The following OR2A4 variants were observed in gnomAD, a reference collection of about 807,000 sequenced individuals.
The protein encoded by OR2A4 is olfactory receptor family 2 subfamily A member 4.
For missense variants in OR2A4, 152 were observed against 313.2 expected (o/e 0.49, Z 3.88); for synonymous variants, 71 against 126.7 (o/e 0.56, Z 2.95).
In OR2A4 at chr6:131,700,693, A is replaced by G. The variant is rs1171292788; in HGVS notation, c.709T>C (p.Phe237Leu). ...CAGAGGTGGGAGAAGCAGGTGCGGAAGGCTTTCCTCTGAACTTCCCTTGAT... is the reference window on the plus strand; with the variant it reads ...CAGAGGTGGGAGAAGCAGGTGCGGAGGGCTTTCCTCTGAACTTCCCTTGAT... ...IQSREVQRKA[F>L]RTCFSHLCVI... Residue 237 changes from phenylalanine (F) to leucine (L), a missense_variant, in exon 1 of 1, where the codon TTC becomes CTC. By Grantham distance (22) the Phe-to-Leu change is conservative. Transcript: ENST00000315453. 1 of 1,559,378 alleles carries G rather than the reference A, an allele frequency of 6.4e-7. No homozygotes were observed. The highest frequency in any genetic ancestry group is 8.6e-7 in the Non-Finnish European group (1 of 1,166,138).
Position 131,700,600 on chromosome 6 carries a change from C to T in OR2A4, c.802G>A (p.Glu268Lys). 6.5e-7 allele frequency: 1 copy of T among 1,549,276 alleles called. No individual in the cohort carries two copies. The highest frequency in any genetic ancestry group is 8.6e-7 in the Non-Finnish European group (1 of 1,162,792). ...YVGPRYGNPKEQKKYLLLFHS... is the reference protein window; with the variant it reads ...YVGPRYGNPKKQKKYLLLFHS... ...AACAGCAGGAGATATTTCTTCTGCT[C>T]CTTGGGGTTCCCATATCTGGGTCCA... The change falls in exon 1 of 1, where the codon GAG (glutamate) becomes AAG (lysine). Residue 268 changes from glutamate (E) to lysine (K), a missense_variant. By Grantham distance (56) the Glu-to-Lys change is moderately conservative. Coordinates refer to ENST00000315453, the MANE Select transcript of OR2A4 (RefSeq NM_030908.2).
Position 131,701,314 on chromosome 6 carries a change from A to G in OR2A4, c.88T>C (p.Phe30Leu). ...PRIQMLLFGLFSLFYVFTLLG... is the reference protein window; with the variant it reads ...PRIQMLLFGLLSLFYVFTLLG... ...AGGGTGAAGACGTAGAACAGGGAGA[A>G]GAGCCCAAAGAGGAGCATCTGAATC... The change falls in exon 1 of 1, where the codon TTC (phenylalanine) becomes CTC (leucine). Residue 30 changes from phenylalanine to leucine, a missense_variant. By Grantham distance (22) the Phe-to-Leu change is conservative. Transcript: ENST00000315453. 6.2e-7 allele frequency: 1 copy of G among 1,609,058 alleles called. No homozygotes were observed. The highest frequency in any genetic ancestry group is 8.5e-7 in the Non-Finnish European group (1 of 1,177,072).
Position 131,700,213 on chromosome 6 carries a change from A to T in OR2A4, c.*256T>A. 1.6e-5 allele frequency: 2 copies of T among 126,836 alleles called. No homozygotes were observed. The highest frequency in any genetic ancestry group is 1.3e-5 in the Non-Finnish European group (1 of 78,742). The allele number at this position is 126,836 out of a possible 1,614,324, so 7.9% of individuals were successfully genotyped here. ...GGGACTGGATCAAAAGCTAATGAGG[A>T]TATTGTAAGGGGTATTGTCCTGGTG... On this transcript the variant is annotated 3_prime_UTR_variant, in exon 1 of 1. Transcript: ENST00000315453.
rs1779527372 is a variant in OR2A4 at position 131,701,397 on chromosome 6, C to T, written c.5G>A (p.Gly2Glu). ...CTCTCTGATGGATGTTATATTGTCT[C>T]CCATATCCCTATGACAGAGGAAATC... is the stretch of plus-strand genomic sequence containing the variant. MGDNITSIREFL... is the reference protein window; with the variant it reads MEDNITSIREFL... The change falls in exon 1 of 1, where the codon GGA becomes GAA. Residue 2 changes from glycine to glutamate, a missense_variant. By Grantham distance (98) the Gly-to-Glu change is moderately conservative. Coordinates refer to ENST00000315453, the MANE Select transcript of OR2A4 (RefSeq NM_030908.2). 2 of 1,613,800 alleles carry T rather than the reference C, an allele frequency of 1.2e-6. No homozygotes were observed. The highest frequency in any genetic ancestry group is 1.3e-5 in the African/African-American group (1 of 74,998).
In OR2A4 at chr6:131,701,387, T is replaced by A. The variant is rs770222304; in HGVS notation, c.15A>T (p.Ile5=). Residue 5 remains isoleucine, a synonymous_variant, in exon 1 of 1, where the codon ATA becomes ATT. Transcript: ENST00000315453. MGDN[I]TSIREFLLLG... ...GTAGGAGGAACTCTCTGATGGATGT[T>A]ATATTGTCTCCCATATCCCTATGAC... is the stretch of plus-strand genomic sequence containing the variant. 26 of 1,613,880 alleles carry A rather than the reference T, an allele frequency of 1.6e-5. No homozygotes were observed. The African/African-American group carries it at 2.7e-4, about 17-fold the overall frequency.
Position 131,700,933 on chromosome 6 carries a change from T to G in OR2A4, c.469A>C (p.Ile157Leu). 3 of 713,346 alleles carry G rather than the reference T, an allele frequency of 4.2e-6. No homozygotes were observed. The highest frequency in any genetic ancestry group is 6.5e-6 in the Non-Finnish European group (3 of 464,618). 44.2% of individuals were successfully genotyped at this position (713,346 alleles called of 1,614,324 possible). The change falls in exon 1 of 1, where the codon ATT becomes CTT. Residue 157 changes from isoleucine (I) to leucine (L), a missense_variant. Ile to Leu is a conservative substitution (Grantham distance 5, BLOSUM62 2). Coordinates refer to ENST00000315453, the MANE Select transcript of OR2A4 (RefSeq NM_030908.2). ...SWTTGVLLSLIHLVLLLPLPF... is the reference protein window; with the variant it reads ...SWTTGVLLSLLHLVLLLPLPF... ...AAAGGTAGAAGTAACACAAGATGAA[T>G]CAAGGATAAAAGGACTCCAGTGGTC...
At position 131,700,632 on chromosome 6, in the gene OR2A4, A is replaced by C. The variant is rs751888762; in HGVS notation, c.770T>G (p.Met257Arg). The C allele has an allele frequency of 6.4e-7, 1 of 1,556,818 alleles. No homozygotes were observed. Among genetic ancestry groups the C allele is most frequent in the Admixed American group, 1.9e-5 (1 of 53,672 alleles). ...IGLVYGTAIIMYVGPRYGNPK... is the reference protein window; with the variant it reads ...IGLVYGTAIIRYVGPRYGNPK... Reference sequence around the variant, plus strand: ...GTTCCCATATCTGGGTCCAACATACATGATAATGGCTGTGCCATAAACGAG... The same window carrying C: ...GTTCCCATATCTGGGTCCAACATACCTGATAATGGCTGTGCCATAAACGAG... Residue 257 changes from methionine (M) to arginine (R), a missense_variant, in exon 1 of 1, where the codon ATG (methionine) becomes AGG (arginine). By Grantham distance (91) the Met-to-Arg change is moderately conservative. Transcript: ENST00000315453.
At position 131,701,031 on chromosome 6, in the gene OR2A4, G is replaced by T; in HGVS notation, c.371C>A (p.Ala124Asp). 5.6e-6 allele frequency: 3 copies of T among 538,696 alleles called. No individual in the cohort carries two copies. Among genetic ancestry groups the T allele is most frequent in the Non-Finnish European group, 9.2e-6 (3 of 327,060 alleles). 33.4% of individuals were successfully genotyped at this position (538,696 alleles called of 1,614,324 possible). ...LVVMSYDLYV[A>D]ICHPLRYLAI... ...CAAATATCGGAGGGGGTGGCAGATG[G>T]CCACGTACAGATCATAGGACATCAC... The change falls in exon 1 of 1, where the codon GCC becomes GAC. Residue 124 changes from alanine (A) to aspartate (D), a missense_variant. By Grantham distance (126) the Ala-to-Asp change is moderately radical (BLOSUM62 -2). Coordinates refer to ENST00000315453, the MANE Select transcript of OR2A4 (RefSeq NM_030908.2).
At position 131,701,268 on chromosome 6, in the gene OR2A4, A is replaced by G. The variant is rs781653671; in HGVS notation, c.134T>C (p.Leu45Pro). 6 of 1,486,738 alleles carry G rather than the reference A, an allele frequency of 4.0e-6. No individual in the cohort carries two copies. In the African/African-American group the frequency reaches 9.6e-5, roughly 24 times the overall value. 92.1% of individuals were successfully genotyped at this position (1,486,738 alleles called of 1,614,324 possible). A position where few individuals can be genotyped will look rare whatever the true frequency, so the allele number is the denominator to read the frequency against. The change falls in exon 1 of 1, where the codon CTG (leucine) becomes CCG (proline). Residue 45 changes from leucine to proline, a missense_variant. Physicochemically the swap from Leu to Pro is moderately conservative, Grantham distance 98 (BLOSUM62 -3). Transcript: ENST00000315453. ...TCTGGAGTCCAGTGAGATGAGCCCC[A>G]GTATGGTCCCGTTCCCCAGCAGGGT... The part of the protein sequence containing the change: ...VFTLLGNGTI[L>P]GLISLDSRLH...
In OR2A4 at chr6:131,700,532, A is replaced by T; in HGVS notation, c.870T>A (p.Ser290Arg). 1 of 1,364,434 alleles carries T rather than the reference A, an allele frequency of 7.3e-7. No individual in the cohort carries two copies. The allele number at this position is 1,364,434 out of a possible 1,614,324, so 84.5% of individuals were successfully genotyped here. ...FNPMLNPLIC[S>R]LRNSEVKNTL... ...TATTCTTCACTTCTGAGTTCCTAAG[A>T]CTACAGATAAGGGGATTGAGCATGG... is the stretch of plus-strand genomic sequence containing the variant. The change falls in exon 1 of 1, where the codon AGT becomes AGA. Residue 290 changes from serine (S) to arginine (R), a missense_variant. Coordinates refer to ENST00000315453, the MANE Select transcript of OR2A4 (RefSeq NM_030908.2).
Position 131,701,027 on chromosome 6 carries a change from G to A in OR2A4, c.375C>T (p.Ile125=). The change falls in exon 1 of 1, where the codon ATC becomes ATT. Residue 125 remains isoleucine, a synonymous_variant. Coordinates refer to ENST00000315453, the MANE Select transcript of OR2A4 (RefSeq NM_030908.2). ...TGGCCAAATATCGGAGGGGGTGGCA[G>A]ATGGCCACGTACAGATCATAGGACA... The part of the protein sequence containing the change: ...VVMSYDLYVA[I]CHPLRYLAIM... 1.9e-6 allele frequency: 1 copy of A among 539,650 alleles called. No homozygotes were observed. The highest frequency in any genetic ancestry group is 3.0e-6 in the Non-Finnish European group (1 of 328,996). The allele number at this position is 539,650 out of a possible 1,614,324, so 33.4% of individuals were successfully genotyped here. A position where few individuals can be genotyped will look rare whatever the true frequency, so the allele number is the denominator to read the frequency against.
chr6:131,700,579 G>C lies in OR2A4; in HGVS notation c.823C>G (p.Leu275Val). Residue 275 changes from leucine to valine, a missense_variant, in exon 1 of 1, where the codon CTG becomes GTG. By Grantham distance (32) the Leu-to-Val change is conservative (BLOSUM62 1). Coordinates refer to ENST00000315453, the MANE Select transcript of OR2A4 (RefSeq NM_030908.2). Reference sequence around the variant, plus strand: ...ATGGGATTAAAGAGGCTGTGAAACAGCAGGAGATATTTCTTCTGCTCCTTG... The same window carrying C: ...ATGGGATTAAAGAGGCTGTGAAACACCAGGAGATATTTCTTCTGCTCCTTG... ...NPKEQKKYLLLFHSLFNPMLN... is the reference protein window; with the variant it reads ...NPKEQKKYLLVFHSLFNPMLN... 1 of 1,468,482 alleles carries C rather than the reference G, an allele frequency of 6.8e-7. No individual in the cohort carries two copies. The highest frequency in any genetic ancestry group is 1.2e-5 in the South Asian group (1 of 82,230). The allele number at this position is 1,468,482 out of a possible 1,614,324, so 91.0% of individuals were successfully genotyped here.
rs778267645 is a variant in OR2A4 at position 131,701,389 on chromosome 6, T to C, written c.13A>G (p.Ile5Val). 6.2e-6 allele frequency: 10 copies of C among 1,613,886 alleles called. No individual in the cohort carries two copies. Among genetic ancestry groups the C allele is most frequent in the South Asian group, 1.1e-5 (1 of 91,080 alleles). ...AGGAGGAACTCTCTGATGGATGTTATATTGTCTCCCATATCCCTATGACAG... is the reference window on the plus strand; with the variant it reads ...AGGAGGAACTCTCTGATGGATGTTACATTGTCTCCCATATCCCTATGACAG... MGDNITSIREFLLLG... is the reference protein window; with the variant it reads MGDNVTSIREFLLLG... Residue 5 changes from isoleucine to valine, a missense_variant, in exon 1 of 1, where the codon ATA (isoleucine) becomes GTA (valine). Transcript: ENST00000315453.
At position 131,701,136 on chromosome 6, in the gene OR2A4, T is replaced by G. The variant is rs1779518186; in HGVS notation, c.266A>C (p.Lys89Thr). 4 of 683,198 alleles carry G rather than the reference T, an allele frequency of 5.9e-6. No individual in the cohort carries two copies. The East Asian group carries it at 1.1e-4, about 19-fold the overall frequency. The allele number at this position is 683,198 out of a possible 1,614,324, so 42.3% of individuals were successfully genotyped here. ...CATGCGGCCCGCAAAGGAGATGGGC[T>G]TGGCTGGATGCAGGAGGTTCACCAG... is the stretch of plus-strand genomic sequence containing the variant. Reference protein sequence around the residue: ...RMLVNLLHPAKPISFAGRMMQ... With the variant: ...RMLVNLLHPATPISFAGRMMQ... Residue 89 changes from lysine (K) to threonine (T), a missense_variant, in exon 1 of 1, where the codon AAG becomes ACG. Physicochemically the swap from Lys to Thr is moderately conservative, Grantham distance 78. Transcript: ENST00000315453.
At position 131,700,614 on chromosome 6, in the gene OR2A4, T is replaced by C. The variant is rs776191903; in HGVS notation, c.788A>G (p.Tyr263Cys). 20 of 1,554,220 alleles carry C rather than the reference T, an allele frequency of 1.3e-5. 2 individuals are homozygous for C. Among genetic ancestry groups the C allele is most frequent in the Non-Finnish European group, 1.6e-5 (19 of 1,165,106 alleles). Residue 263 changes from tyrosine to cysteine, a missense_variant, in exon 1 of 1, where the codon TAT (tyrosine) becomes TGT (cysteine). Transcript: ENST00000315453. Reference sequence around the variant, plus strand: ...TTTCTTCTGCTCCTTGGGGTTCCCATATCTGGGTCCAACATACATGATAAT... The same window carrying C: ...TTTCTTCTGCTCCTTGGGGTTCCCACATCTGGGTCCAACATACATGATAAT... ...TAIIMYVGPRYGNPKEQKKYL... is the reference protein window; with the variant it reads ...TAIIMYVGPRCGNPKEQKKYL...
rs753366106 is a variant in OR2A4 at position 131,700,442 on chromosome 6, C to T, written c.*27G>A. The T allele has an allele frequency of 3.7e-4, 291 of 787,568 alleles. 18 individuals are homozygous for T. Among genetic ancestry groups the T allele is most frequent in the Non-Finnish European group, 2.4e-4 (129 of 545,946 alleles). 48.8% of individuals were successfully genotyped at this position (787,568 alleles called of 1,614,324 possible). Reference sequence around the variant, plus strand: ...CTCAATGATGTAACTTCCTAGGTCACTGTCAGTCACAATGCCATAATCCTT... The same window carrying T: ...CTCAATGATGTAACTTCCTAGGTCATTGTCAGTCACAATGCCATAATCCTT... On this transcript the variant is annotated 3_prime_UTR_variant, in exon 1 of 1. Coordinates refer to ENST00000315453, the MANE Select transcript of OR2A4 (RefSeq NM_030908.2).
At position 131,700,771 on chromosome 6, in the gene OR2A4, A is replaced by G. The variant is rs1257805857; in HGVS notation, c.631T>C (p.Ser211Pro). The G allele has an allele frequency of 2.0e-6, 3 of 1,495,476 alleles. No homozygotes were observed. Among genetic ancestry groups the G allele is most frequent in the Admixed American group, 4.0e-5 (2 of 50,494 alleles). The allele number at this position is 1,495,476 out of a possible 1,614,324, so 92.6% of individuals were successfully genotyped here. The change falls in exon 1 of 1, where the codon TCC becomes CCC. Residue 211 changes from serine (S) to proline (P), a missense_variant. By Grantham distance (74) the Ser-to-Pro change is moderately conservative (BLOSUM62 -1). Coordinates refer to ENST00000315453, the MANE Select transcript of OR2A4 (RefSeq NM_030908.2). ...GAISGLVGPL[S>P]TIVVSYMCIL... Reference sequence around the variant, plus strand: ...CACATATATGAAACTACAATTGTGGACAAGGGTCCCACCAGCCCAGAAATT... The same window carrying G: ...CACATATATGAAACTACAATTGTGGGCAAGGGTCCCACCAGCCCAGAAATT...
At position 131,701,378 on chromosome 6, in the gene OR2A4, G is replaced by C. The variant is rs1219090444; in HGVS notation, c.24C>G (p.Ile8Met). 2 of 1,614,004 alleles carry C rather than the reference G, an allele frequency of 1.2e-6. No individual in the cohort carries two copies. Among genetic ancestry groups the C allele is most frequent in the Admixed American group, 1.7e-5 (1 of 60,014 alleles). The change falls in exon 1 of 1, where the codon ATC (isoleucine) becomes ATG (methionine). Residue 8 changes from isoleucine to methionine, a missense_variant. Ile to Met is a conservative substitution (Grantham distance 10). Transcript: ENST00000315453. ...GAAATCCCAGTAGGAGGAACTCTCTGATGGATGTTATATTGTCTCCCATAT... is the reference window on the plus strand; with the variant it reads ...GAAATCCCAGTAGGAGGAACTCTCTCATGGATGTTATATTGTCTCCCATAT... MGDNITS[I>M]REFLLLGFPV...
Position 131,701,014 on chromosome 6 carries a change from G to C in OR2A4, c.388C>G (p.Arg130Gly). The stretch of plus-strand genomic sequence containing the variant: ...CTCCAGGTCATGATGGCCAAATATC[G>C]GAGGGGGTGGCAGATGGCCACGTAC... ...DLYVAICHPL[R>G]YLAIMTWRVC... The change falls in exon 1 of 1, where the codon CGA becomes GGA. Residue 130 changes from arginine (R) to glycine (G), a missense_variant. By Grantham distance (125) the Arg-to-Gly change is moderately radical. Transcript: ENST00000315453. 1.8e-6 allele frequency: 1 copy of C among 548,450 alleles called. No individual in the cohort carries two copies. The highest frequency in any genetic ancestry group is 2.1e-5 in the South Asian group (1 of 48,602). The allele number at this position is 548,450 out of a possible 1,614,324, so 34.0% of individuals were successfully genotyped here.
Sources: gnomAD v4.1 joint callset for allele counts on GRCh38, gnomAD v4.1.1 for gene constraint, MANE v1.5 for transcripts, NCBI Gene and HGNC (gene_info 2026-07-23, HGNC 2026-07-21) for gene names.